NACC1: variants seen among roughly 807,000 people sequenced by gnomAD.
The protein encoded by NACC1 is nucleus accumbens associated 1.
NACC1 carries 6 observed loss-of-function variants against 41.7 expected under a neutral mutation model. The ratio of observed to expected loss-of-function variants is 0.14; its 90% CI spans 0.08 to 0.28. The LOEUF is 0.28. Among genes scored for constraint, NACC1 ranks in the 10% least tolerant of loss-of-function variants. The pLI, the probability that NACC1 is intolerant of heterozygous loss-of-function variation, is 1.00. For missense variants in NACC1, 434 were observed against 763.7 expected (o/e 0.57, Z 5.09); for synonymous variants, 338 against 330.6 (o/e 1.02, Z -0.24).
At position 13,141,084 on chromosome 19, in the gene NACC1, CA is replaced by C. The variant is rs1167125811; in HGVS notation, c.*2681del. On this transcript the variant is annotated 3_prime_UTR_variant, in exon 6 of 6. Transcript: ENST00000292431. ...ACTGTAAGGAGAGGAGCGGCGTTGG[CA>C]AATGTGAACCATGAGAATATCAGTG... The C allele has an allele frequency of 1.3e-5, 2 of 152,548 alleles. No individual in the cohort carries two copies. Among genetic ancestry groups the C allele is most frequent in the African/African-American group, 4.8e-5 (2 of 41,414 alleles). The allele number at this position is 152,548 out of a possible 1,614,324, so 9.4% of individuals were successfully genotyped here. A position where few individuals can be genotyped will look rare whatever the true frequency, so the allele number is the denominator to read the frequency against.
chr19:13,130,528 T>C (rs1172109700), intron 1 of NACC1, among the ~76,000 whole-genome samples: 1 of 149,844 alleles, frequency 6.7e-6, no homozygotes, highest in African/African-American at 2.5e-5. Flanking sequence ...CACCTCTTTT[T>C]TCTTTTCTTT....
In NACC1 at chr19:13,135,487, G is replaced by C. The variant is rs374601103; in HGVS notation, c.280G>C (p.Val94Leu). 1.2e-6 allele frequency: 2 copies of C among 1,613,646 alleles called. No homozygotes were observed. Among genetic ancestry groups the C allele is most frequent in the Admixed American group, 1.7e-5 (1 of 60,004 alleles). Residue 94 changes from valine to leucine, a missense_variant, in exon 2 of 6, where the codon GTG (valine) becomes CTG (leucine). Coordinates refer to ENST00000292431, the MANE Select transcript of NACC1 (RefSeq NM_052876.4). The part of the protein sequence containing the change: ...FCYTGRLSMN[V>L]GDQFLLMYTA... ...CTACACGGGCCGGCTGAGCATGAACGTGGGCGACCAGTTCCTGCTCATGTA... is the reference window on the plus strand; with the variant it reads ...CTACACGGGCCGGCTGAGCATGAACCTGGGCGACCAGTTCCTGCTCATGTA...
Position 13,136,132 on chromosome 19 carries a change from A to G in NACC1, c.925A>G (p.Met309Val). The change falls in exon 2 of 6, where the codon ATG becomes GTG. Residue 309 changes from methionine to valine, a missense_variant. By Grantham distance (21) the Met-to-Val change is conservative (BLOSUM62 1). Transcript: ENST00000292431. This position sits in a 1 kb window ranked among gnomAD's most constrained non-coding sequence, Gnocchi z 5.5. The stretch of plus-strand genomic sequence containing the variant: ...CTGCAACATGTACACCATGTACAGC[A>G]TGATGAACGTCGGCCAGACAGGTGA... ...QICNMYTMYS[M>V]MNVGQTAEKV... 1.2e-6 allele frequency: 2 copies of G among 1,613,196 alleles called. No homozygotes were observed. Among genetic ancestry groups the G allele is most frequent in the Non-Finnish European group, 1.7e-6 (2 of 1,179,500 alleles).
intron 1 of NACC1, among the ~76,000 whole-genome samples, chr19:13,132,733 G>A (rs1302141293): frequency 6.6e-6 from 1 of 152,164 alleles, no homozygotes; most frequent in Admixed American, 6.5e-5. Flanking sequence ...ATCTCACTGT[G>A]GTTAGGATTC....
At position 13,139,042 on chromosome 19, in the gene NACC1, C is replaced by G. The variant is rs2019748949; in HGVS notation, c.*636C>G. ...TGGTGCCCTTTCTCCTCTTCCGCCTCTGTTGCTCCCTTTGGTCCTCTGGGG... is the reference window on the plus strand; with the variant it reads ...TGGTGCCCTTTCTCCTCTTCCGCCTGTGTTGCTCCCTTTGGTCCTCTGGGG... On this transcript the variant is annotated 3_prime_UTR_variant, in exon 6 of 6. Coordinates refer to ENST00000292431, the MANE Select transcript of NACC1 (RefSeq NM_052876.4). 1 of 153,240 alleles carries G rather than the reference C, an allele frequency of 6.5e-6. No individual in the cohort carries two copies. Among genetic ancestry groups the G allele is most frequent in the African/African-American group, 2.4e-5 (1 of 41,378 alleles). 9.5% of individuals were successfully genotyped at this position (153,240 alleles called of 1,614,324 possible). A position where few individuals can be genotyped will look rare whatever the true frequency, so the allele number is the denominator to read the frequency against.
rs368552067 is a variant in NACC1, at chr19:13,136,181, A to G, written c.946+28A>G. 7 of 1,599,266 alleles carry G rather than the reference A, an allele frequency of 4.4e-6. No individual in the cohort carries two copies. The highest frequency in any genetic ancestry group is 6.0e-6 in the Non-Finnish European group (7 of 1,171,848). On this transcript the variant is annotated intron_variant, in intron 2 of 5. Transcript: ENST00000292431. The surrounding 1 kb of genome is among the most constrained non-coding windows in gnomAD (Gnocchi z 5.5). ...GAGGTGCCGTCCTGTCCCCCATCCC[A>G]CCAGCCACCCCTGCTCCTCCTGCCA...
rs2019632017 is a variant in NACC1, at chr19:13,131,308, T to C, written c.-8-3892T>C. On this transcript the variant is annotated intron_variant, in intron 1 of 5. Coordinates refer to ENST00000292431, the MANE Select transcript of NACC1 (RefSeq NM_052876.4). ...TTTTGGCAGCACTGCACACCTGTCC[T>C]GGCTTTGTCCTCCTCCCTGGGGAAT... is the stretch of plus-strand genomic sequence containing the variant. Among the ~76,000 whole-genome samples, 2 of 152,212 alleles carry C rather than the reference T, an allele frequency of 1.3e-5. 1 individual carries two copies. The highest frequency in any genetic ancestry group is 2.9e-5 in the Non-Finnish European group (2 of 68,042).
upstream of NACC1, chr19:13,118,027 C>G (rs1231364137): frequency 6.6e-6 from 1 of 152,202 alleles, no homozygotes; most frequent in Non-Finnish European, 1.5e-5. Context: ...AGCGACTTGC[C>G]CAAGGTCGCG....
At position 13,139,299 on chromosome 19, in the gene NACC1, C is replaced by G. The variant is rs2145627961; in HGVS notation, c.*893C>G. On this transcript the variant is annotated 3_prime_UTR_variant, in exon 6 of 6. Coordinates refer to ENST00000292431, the MANE Select transcript of NACC1 (RefSeq NM_052876.4). ...TCCATCTCCCCACACCCACCCCACC[C>G]CACAGCAGGGCTCCTGGCCCCCACC... 6.6e-6 allele frequency: 1 copy of G among 152,214 alleles called. No homozygotes were observed. Among genetic ancestry groups the G allele is most frequent in the East Asian group, 1.9e-4 (1 of 5,168 alleles). 9.4% of individuals were successfully genotyped at this position (152,214 alleles called of 1,614,324 possible).
chr19:13,132,109 A>C (rs958681305), intron 1 of NACC1, among the ~76,000 whole-genome samples: 3 of 150,838 alleles, frequency 2.0e-5, no homozygotes, highest in Admixed American at 2.0e-4. Flanking sequence ...GATCCACCTG[A>C]CTCGGCCTCC....
At chr19:13,116,930 G>C (rs2019391344), upstream of NACC1, 1 of 164,684 alleles carries the variant, frequency 6.1e-6, no homozygotes, top group African/African-American at 2.4e-5. Flanking sequence ...GCTCAGAAAA[G>C]GGGCGGTAAG....
chr19:13,136,449 A>T lies in NACC1; in HGVS notation c.1120+44A>T. 6.4e-7 allele frequency: 1 copy of T among 1,572,222 alleles called. No homozygotes were observed. Among genetic ancestry groups the T allele is most frequent in the African/African-American group, 1.3e-5 (1 of 74,076 alleles). ...AGATCTCTCCCCTCCGCAGCTTTGG[A>T]GCCGGCTGGCCTGGGCTGGGCTGGG... On this transcript the variant is annotated intron_variant, in intron 3 of 5. Coordinates refer to ENST00000292431, the MANE Select transcript of NACC1 (RefSeq NM_052876.4). This position sits in a 1 kb window ranked among gnomAD's most constrained non-coding sequence, Gnocchi z 5.5.
At chr19:13,121,858 C>G (rs2019498602) in intron 1 of NACC1, among the ~76,000 whole-genome samples, 1 of 152,230 alleles carries the variant, frequency 6.6e-6, no homozygotes, top group East Asian at 1.9e-4. Context: ...GCTAGCAGGT[C>G]CTGCCTGTTA....
intron 1 of NACC1, among the ~76,000 whole-genome samples, 198 bp from the exon 2 acceptor site, chr19:13,135,002 A>G (rs1300989254): frequency 2.0e-5 from 3 of 152,196 alleles, no homozygotes; most frequent in African/African-American, 7.2e-5. Context: ...ATTTGACCAC[A>G]TATTGTAAAA....
Position 13,138,559 on chromosome 19 carries a change from C to G in NACC1, c.*153C>G. 2.6e-6 allele frequency: 3 copies of G among 1,158,068 alleles called. No individual in the cohort carries two copies. The highest frequency in any genetic ancestry group is 3.6e-6 in the Non-Finnish European group (3 of 839,092). 71.7% of individuals were successfully genotyped at this position (1,158,068 alleles called of 1,614,324 possible). On this transcript the variant is annotated 3_prime_UTR_variant, in exon 6 of 6. Transcript: ENST00000292431. This position sits in a 1 kb window ranked among gnomAD's most constrained non-coding sequence, Gnocchi z 5.7. ...CTGCCCCTCCTGTCCTACCCCCTTT[C>G]CCCACCGAGAGCTGGGCCGGGAGAG...
rs1435595677 is a variant in NACC1 at position 13,137,466 on chromosome 19, C to T, written c.1227-12C>T. The stretch of plus-strand genomic sequence containing the variant: ...CTTGAGCGCTGACTCCCTCCATGTC[C>T]CCTGCCCCCAGGAACACGCTGGCCA... On this transcript the variant is annotated splice_polypyrimidine_tract_variant and intron_variant, in intron 4 of 5. Coordinates refer to ENST00000292431, the MANE Select transcript of NACC1 (RefSeq NM_052876.4). This position sits in a 1 kb window ranked among gnomAD's most constrained non-coding sequence, Gnocchi z 6.1. The T allele has an allele frequency of 3.7e-6, 6 of 1,608,666 alleles. No homozygotes were observed. The South Asian group carries it at 5.5e-5, about 15-fold the overall frequency.
chr19:13,138,724 G>A lies in NACC1; in HGVS notation c.*318G>A. ...GCCCACCAGGGGAGGGGGCTGGCCT[G>A]GGGGTCTTGGGAAGGCCCCTCCCCA... On this transcript the variant is annotated 3_prime_UTR_variant, in exon 6 of 6. Transcript: ENST00000292431. The surrounding 1 kb of genome is among the most constrained non-coding windows in gnomAD (Gnocchi z 5.7). The A allele has an allele frequency of 2.7e-6, 1 of 376,578 alleles. No homozygotes were observed. Among genetic ancestry groups the A allele is most frequent in the South Asian group, 2.9e-5 (1 of 34,628 alleles). 23.3% of individuals were successfully genotyped at this position (376,578 alleles called of 1,614,324 possible).
At chr19:13,126,731 T>C (rs1436100520) in intron 1 of NACC1, among the ~76,000 whole-genome samples, 1 of 152,168 alleles carries the variant, frequency 6.6e-6, no homozygotes, top group East Asian at 1.9e-4. Flanking sequence ...CAGATAATGC[T>C]TCTGAGCCCT....
chr19:13,138,491 C>A lies in NACC1; in HGVS notation c.*85C>A. ...ATCTTGGTCATGAGCTACTGTCTGT[C>A]CCTCCCCAGGACCCGCGGTGGGTGC... On this transcript the variant is annotated 3_prime_UTR_variant, in exon 6 of 6. Transcript: ENST00000292431. This position sits in a 1 kb window ranked among gnomAD's most constrained non-coding sequence, Gnocchi z 5.7. 1.3e-6 allele frequency: 2 copies of A among 1,551,240 alleles called. No individual in the cohort carries two copies. The highest frequency in any genetic ancestry group is 8.7e-7 in the Non-Finnish European group (1 of 1,151,520).
Sources: allele counts gnomAD v4.1 joint callset (sites outside exome capture counted in the v4.1 genomes callset), GRCh38; gene constraint gnomAD v4.1.1; non-coding constraint Gnocchi (gnomAD v3.1); transcripts MANE v1.5; gene names NCBI Gene and HGNC (gene_info 2026-07-23, HGNC 2026-07-21).